Variants in KCNH8 observed in about 807,000 individuals in gnomAD.
The protein encoded by KCNH8 is voltage-gated delayed rectifier potassium channel KCNH8.
Under a neutral mutation model 103.6 loss-of-function variants are expected in KCNH8, and 70 were observed. The observed-to-expected ratio is 0.68, with a 90% confidence interval of 0.56 to 0.82. The LOEUF is 0.82. Among genes scored for constraint, KCNH8 ranks in the 40% least tolerant of loss-of-function variants. KCNH8 has a pLI of 0.00. For synonymous variants in KCNH8, 498 were observed against 489.4 expected (o/e 1.02, Z -0.23); for missense variants, 1,217 against 1,329.9 (o/e 0.92, Z 1.32).
At chr3:19,370,215 T>A (rs902032195) in intron 5 of KCNH8, among the ~76,000 whole-genome samples, 1 of 152,054 alleles carries the variant, frequency 6.6e-6, no homozygotes, top group Non-Finnish European at 1.5e-5. Flanking sequence ...ATAACATTCA[T>A]CTCATGACTT....
chr3:19,524,706 T>TAGG lies in KCNH8; in HGVS notation c.2619+6634_2619+6636dup, dbSNP rs1164816770. 1.6e-4 allele frequency among the ~76,000 whole-genome samples: 24 copies of TAGG among 152,072 alleles called. No individual in the cohort carries two copies. In the East Asian group the frequency reaches 4.3e-3, roughly 27 times the overall value. The stretch of plus-strand genomic sequence containing the variant: ...CTCTTTGCTTATGATTGCTTATAGA[T>TAGG]AGGACTCTTCTCATCTTTGAATAGA... On this transcript the variant is annotated intron_variant, in intron 15 of 15. Transcript: ENST00000328405.
At chr3:19,280,347 C>T (rs2064739017) in intron 2 of KCNH8, among the ~76,000 whole-genome samples, 1 of 151,910 alleles carries the variant, frequency 6.6e-6, no homozygotes, top group South Asian at 2.1e-4. Context: ...ACTGAACACT[C>T]CTATGTAAAC....
At chr3:19,414,076 G>T (rs1194265027) in intron 7 of KCNH8, among the ~76,000 whole-genome samples, 1 of 152,028 alleles carries the variant, frequency 6.6e-6, no homozygotes, top group Non-Finnish European at 1.5e-5. Flanking sequence ...CTCACACTCT[G>T]CCCTCTGATT....
chr3:19,459,283 A>G (rs1316744478), intron 11 of KCNH8, among the ~76,000 whole-genome samples: 1 of 151,820 alleles, frequency 6.6e-6, no homozygotes. Context: ...TTTTTTTAAA[A>G]TAGCCCTTCT....
At chr3:19,329,484 C>T (rs2065474169) in intron 3 of KCNH8, among the ~76,000 whole-genome samples, 1 of 151,090 alleles carries the variant, frequency 6.6e-6, no homozygotes, top group East Asian at 2.0e-4. Context: ...TAGAAATGAC[C>T]ACATTTGATA....
intron 1 of KCNH8, among the ~76,000 whole-genome samples, chr3:19,191,786 T>A (rs1356873784): frequency 1.3e-5 from 2 of 151,790 alleles, no homozygotes; most frequent in African/African-American, 4.8e-5. Context: ...TTCATCCTGC[T>A]ATTTAGTGCT....
intron 7 of KCNH8, among the ~76,000 whole-genome samples, chr3:19,407,618 CA>C (rs1353005694): frequency 6.6e-6 from 1 of 152,090 alleles, no homozygotes; most frequent in African/African-American, 2.4e-5. Flanking sequence ...CGACCTGCCC[CA>C]CCATTCCTAG....
intron 11 of KCNH8, among the ~76,000 whole-genome samples, chr3:19,499,658 T>A (rs542736551): frequency 6.6e-6 from 1 of 152,266 alleles, no homozygotes; most frequent in East Asian, 1.9e-4. Context: ...AAAAGAATTT[T>A]CAACCCAGAA....
At chr3:19,235,989 C>T (rs1265828954) in intron 1 of KCNH8, among the ~76,000 whole-genome samples, 3 of 152,084 alleles carry the variant, frequency 2.0e-5, no homozygotes, top group Non-Finnish European at 4.4e-5. Context: ...ATAATGTCAT[C>T]GAATAAATGA....
intron 6 of KCNH8, 138 bp downstream of exon 6, chr3:19,390,776 A>G: frequency 2.8e-6 from 2 of 719,730 alleles, no homozygotes; most frequent in Non-Finnish European, 4.4e-6. Context: ...GCCCAGTGAT[A>G]TGCAGGCCAG....
intron 11 of KCNH8, among the ~76,000 whole-genome samples, chr3:19,470,409 A>T (rs754160420): frequency 6.6e-6 from 1 of 152,138 alleles, no homozygotes; most frequent in Non-Finnish European, 1.5e-5. Flanking sequence ...TAGACTTGCC[A>T]TCTTATTTCC....
chr3:19,263,273 G>C (rs1429963346), intron 2 of KCNH8, among the ~76,000 whole-genome samples: 1 of 151,974 alleles, frequency 6.6e-6, no homozygotes, highest in Non-Finnish European at 1.5e-5. Flanking sequence ...TTTACTCACT[G>C]GGTTGTAGAG....
chr3:19,234,749 G>A (rs191396597), intron 1 of KCNH8, among the ~76,000 whole-genome samples: 2 of 152,388 alleles, frequency 1.3e-5, no homozygotes, highest in African/African-American at 2.4e-5. Context: ...AGCCCAGGCA[G>A]AGGAGGCGCG....
chr3:19,355,823 G>A (rs1001511075), intron 5 of KCNH8, among the ~76,000 whole-genome samples: 1 of 151,872 alleles, frequency 6.6e-6, no homozygotes, highest in Non-Finnish European at 1.5e-5. Flanking sequence ...CATGGCGCAT[G>A]TATACATATG....
At chr3:19,528,305 A>T (rs1405874801) in intron 15 of KCNH8, among the ~76,000 whole-genome samples, 3 of 152,052 alleles carry the variant, frequency 2.0e-5, no homozygotes, top group Admixed American at 6.6e-5. Flanking sequence ...TGAATTCATC[A>T]CTTGGCATTC....
intron 1 of KCNH8, among the ~76,000 whole-genome samples, chr3:19,234,742 C>T (rs1056883296): frequency 6.6e-6 from 1 of 152,258 alleles, no homozygotes; most frequent in African/African-American, 2.4e-5. Flanking sequence ...AAGTAGGAGC[C>T]CAGGCAGAGG....
At chr3:19,268,617 C>T (rs2064546929) in intron 2 of KCNH8, among the ~76,000 whole-genome samples, 1 of 152,110 alleles carries the variant, frequency 6.6e-6, no homozygotes. Context: ...AACATTTTTG[C>T]TGCCATATGA....
At chr3:19,293,672 A>G (rs2064960191) in intron 3 of KCNH8, among the ~76,000 whole-genome samples, 1 of 152,192 alleles carries the variant, frequency 6.6e-6, no homozygotes, top group Non-Finnish European at 1.5e-5. Flanking sequence ...TCATTGTTTT[A>G]TAGCATGTAT....
rs1413519582 is a variant in KCNH8 at position 19,533,231 on chromosome 3, A to C, written c.2620-164A>C. On this transcript the variant is annotated intron_variant, in intron 15 of 15. Coordinates refer to ENST00000328405, the MANE Select transcript of KCNH8 (RefSeq NM_144633.3). ...AAAAAAAAAAAAAGGAAAAAGAAAA[A>C]AAAAATTTCTTTTTCACCAAGCAAA... 2.6e-5 allele frequency among the ~76,000 whole-genome samples: 4 copies of C among 152,056 alleles called. No homozygotes were observed. The East Asian group carries it at 7.7e-4, about 29-fold the overall frequency.
Sources: allele counts gnomAD v4.1 joint callset (sites outside exome capture counted in the v4.1 genomes callset), GRCh38; gene constraint gnomAD v4.1.1; transcripts MANE v1.5; gene names NCBI Gene and HGNC (gene_info 2026-07-23, HGNC 2026-07-21).